RPS6KC1: variants seen among roughly 807,000 people sequenced by gnomAD.
RPS6KC1 encodes the protein ribosomal protein S6 kinase C1, also known as inactive ribosomal protein S6 kinase delta-1.
A neutral mutation model predicts 103.8 loss-of-function variants in RPS6KC1; 54 were observed. That is an observed-to-expected ratio of 0.52 (90% CI 0.42 to 0.65). RPS6KC1 has a LOEUF of 0.65. Among genes scored for constraint, RPS6KC1 ranks in the 30% least tolerant of loss-of-function variants. RPS6KC1 has a pLI of 0.00. For synonymous variants in RPS6KC1, 439 were observed against 438.7 expected, an observed-to-expected ratio of 1.00 and a Z score of -0.01; for missense variants, 1,151 against 1,253.8, an observed-to-expected ratio of 0.92 and a Z score of 1.24.
At chr1:213,308,750 A>G in the RPS6KC1 span, among the ~76,000 whole-genome samples, 2 of 152,226 alleles carry the variant, frequency 1.3e-5, no homozygotes, top group African/African-American at 4.8e-5. Flanking sequence ...TCCCTGCTTC[A>G]CACTAGAGTT....
At chr1:213,075,194 T>G (rs753730094) in intron 2 of RPS6KC1, among the ~76,000 whole-genome samples, 1 of 152,122 alleles carries the variant, frequency 6.6e-6, no homozygotes, top group East Asian at 1.9e-4. Flanking sequence ...TTCCATGAGC[T>G]ACAGTCTTTT....
chr1:213,453,161 T>C, the RPS6KC1 span, among the ~76,000 whole-genome samples: 47 of 152,254 alleles, frequency 3.1e-4, no homozygotes, highest in Admixed American at 1.3e-3. Flanking sequence ...CTTGACACAT[T>C]TCTACTCCTG....
intron 1 of RPS6KC1, among the ~76,000 whole-genome samples, chr1:213,052,284 G>A (rs1003713819): frequency 6.6e-6 from 1 of 152,148 alleles, no homozygotes; most frequent in Non-Finnish European, 1.5e-5. Context: ...TATGTGTATA[G>A]TAGGCATTTT....
chr1:213,080,017 A>G (rs1170470054), intron 3 of RPS6KC1, among the ~76,000 whole-genome samples: 1 of 151,144 alleles, frequency 6.6e-6, no homozygotes, highest in Non-Finnish European at 1.5e-5. Flanking sequence ...CCTGGGTTCA[A>G]GTGATTCTCC....
the RPS6KC1 span, among the ~76,000 whole-genome samples, chr1:213,633,114 A>G: frequency 6.6e-6 from 1 of 152,352 alleles, no homozygotes; most frequent in Non-Finnish European, 1.5e-5. Context: ...ACCAAGTTGG[A>G]AAACACTCTT....
At chr1:213,624,345 G>A in the RPS6KC1 span, among the ~76,000 whole-genome samples, 4 of 152,350 alleles carry the variant, frequency 2.6e-5, 1 homozygote, top group South Asian at 8.3e-4. Flanking sequence ...TCTTTGTCCT[G>A]ACAGAGCTTA....
At chr1:213,702,851 T>TTTTTTTTG in the RPS6KC1 span, among the ~76,000 whole-genome samples, 8 of 151,232 alleles carry the variant, frequency 5.3e-5, no homozygotes, top group Admixed American at 4.6e-4. Flanking sequence ...TTGAGGTTTT[T>TTTTTTTTG]TTTGTTTGTT....
chr1:213,732,639 A>T, the RPS6KC1 span, among the ~76,000 whole-genome samples: 1 of 152,082 alleles, frequency 6.6e-6, no homozygotes, highest in Non-Finnish European at 1.5e-5. Context: ...TCCCTATGAC[A>T]CTGTGGGTTG....
the RPS6KC1 span, among the ~76,000 whole-genome samples, chr1:213,311,178 G>T: frequency 6.9e-6 from 1 of 145,214 alleles, no homozygotes; most frequent in Non-Finnish European, 1.5e-5. Context: ...TCGCTCTGTT[G>T]CCCAGGCTGG....
intron 12 of RPS6KC1, among the ~76,000 whole-genome samples, chr1:213,257,925 T>A (rs2094690465): frequency 1.4e-5 from 2 of 145,468 alleles, no homozygotes; most frequent in African/African-American, 5.0e-5. Flanking sequence ...TATCTCAGCC[T>A]CCCAAGTAGT....
chr1:213,168,669 C>T (rs2091208876), intron 7 of RPS6KC1, among the ~76,000 whole-genome samples: 1 of 152,148 alleles, frequency 6.6e-6, no homozygotes, highest in Non-Finnish European at 1.5e-5. Flanking sequence ...GTCCCCCAGA[C>T]TGGAGTGCAG....
the RPS6KC1 span, among the ~76,000 whole-genome samples, chr1:213,362,917 G>A: frequency 6.6e-6 from 1 of 152,180 alleles, no homozygotes; most frequent in Non-Finnish European, 1.5e-5. Context: ...GCTCTTCCTA[G>A]TTCTTCAGCC....
chr1:213,755,021 T>C, the RPS6KC1 span, among the ~76,000 whole-genome samples: 1 of 152,200 alleles, frequency 6.6e-6, no homozygotes. Flanking sequence ...AGTTAAGTGA[T>C]AGAAAAATAT....
At chr1:213,756,627 C>CTT in the RPS6KC1 span, among the ~76,000 whole-genome samples, 2 of 151,792 alleles carry the variant, frequency 1.3e-5, no homozygotes, top group African/African-American at 4.8e-5. Context: ...CCCTCTTCCA[C>CTT]TTTTTTTTGA....
the RPS6KC1 span, among the ~76,000 whole-genome samples, chr1:213,405,866 C>CT: frequency 6.6e-6 from 1 of 152,124 alleles, no homozygotes; most frequent in Admixed American, 6.5e-5. Flanking sequence ...TAGGAGGACT[C>CT]TGAGAGGGGC....
the RPS6KC1 span, among the ~76,000 whole-genome samples, chr1:213,810,320 A>G: frequency 2.0e-5 from 3 of 152,240 alleles, no homozygotes; most frequent in Non-Finnish European, 2.9e-5. Context: ...TGGGAACATC[A>G]GGAACAGGTA....
chr1:213,246,709 T>G (rs2094459848), intron 12 of RPS6KC1, among the ~76,000 whole-genome samples: 1 of 151,936 alleles, frequency 6.6e-6, no homozygotes, highest in South Asian at 2.1e-4. Flanking sequence ...TTGACTCTTA[T>G]CATTCAAAAA....
chr1:213,175,875 C>G (rs1348409045), intron 7 of RPS6KC1, among the ~76,000 whole-genome samples: 1 of 152,066 alleles, frequency 6.6e-6, no homozygotes, highest in African/African-American at 2.4e-5. Context: ...TTGAATGGAC[C>G]AGTCCCTCTG....
At chr1:213,554,777 A>C in the RPS6KC1 span, among the ~76,000 whole-genome samples, 2 of 152,194 alleles carry the variant, frequency 1.3e-5, no homozygotes, top group African/African-American at 4.8e-5. Context: ...AGAGATATTC[A>C]TTCAGTGCTT....
Sources: allele counts gnomAD v4.1 joint callset (sites outside exome capture counted in the v4.1 genomes callset), GRCh38; gene constraint gnomAD v4.1.1; transcripts MANE v1.5; gene names NCBI Gene and HGNC (gene_info 2026-07-23, HGNC 2026-07-21).